The following ASAP3 variants were observed in gnomAD, a reference collection of about 807,000 sequenced individuals.
The protein encoded by ASAP3 is arf-GAP with SH3 domain, ANK repeat and PH domain-containing protein 3.
In ASAP3, 85 loss-of-function variants were observed where a neutral mutation model predicts 118.2. The ratio of observed to expected loss-of-function variants is 0.72; its 90% CI spans 0.60 to 0.86. The LOEUF (loss-of-function observed/expected upper bound fraction) is 0.86, where lower values mean the gene tolerates loss of function less well. Among genes scored for constraint, ASAP3 ranks in the 40% least tolerant of loss-of-function variants. The probability of loss-of-function intolerance (pLI) is 0.00; values close to 1 mark genes in which losing one functional copy is unlikely to be tolerated. For missense variants in ASAP3, 1,026 were observed against 1,175.0 expected, an observed-to-expected ratio of 0.87 and a Z score of 1.85; for synonymous variants, 432 against 477.4, an observed-to-expected ratio of 0.90 and a Z score of 1.24.
intron 1 of ASAP3, 39 bp from the exon 2 acceptor site, chr1:23,456,233 C>G (rs1217409270): frequency 3.1e-6 from 5 of 1,595,736 alleles, no homozygotes; most frequent in African/African-American, 1.3e-5. Context: ...GGATGCCAAG[C>G]TGGAATAGGG....
chr1:23,473,127 T>A (rs1427479928), intron 1 of ASAP3, among the ~76,000 whole-genome samples: 1 of 152,162 alleles, frequency 6.6e-6, no homozygotes, highest in South Asian at 2.1e-4. Flanking sequence ...TCAGTAAATA[T>A]GGCTTAATGG....
rs772721348 is a variant in ASAP3, at chr1:23,442,519, G to C, written c.567C>G (p.Phe189Leu). The change falls in exon 6 of 25, where the codon TTC (phenylalanine) becomes TTG (leucine). Residue 189 changes from phenylalanine to leucine, a missense_variant. By Grantham distance (22) the Phe-to-Leu change is conservative. Coordinates refer to ENST00000336689, the MANE Select transcript of ASAP3 (RefSeq NM_017707.4). ...AQDMQRERRIFQLHMCEYLLK... is the reference protein window; with the variant it reads ...AQDMQRERRILQLHMCEYLLK... The stretch of plus-strand genomic sequence containing the variant: ...CCCTTACCTCACACATGTGCAGCTG[G>C]AAGATGCGCCGCTCTCTCTGCATGT... The C allele has an allele frequency of 6.2e-7, 1 of 1,613,952 alleles. No homozygotes were observed. The highest frequency in any genetic ancestry group is 8.5e-7 in the Non-Finnish European group (1 of 1,179,942).
intron 1 of ASAP3, among the ~76,000 whole-genome samples, chr1:23,481,257 G>A (rs1336909397): frequency 6.6e-6 from 1 of 152,132 alleles, no homozygotes; most frequent in Non-Finnish European, 1.5e-5. Context: ...GTACAAAAGG[G>A]CTGCGAGTCC....
At chr1:23,484,338 C>T, upstream of ASAP3, 1 of 443,656 alleles carries the variant, frequency 2.3e-6, no homozygotes, top group Non-Finnish European at 3.4e-6. Flanking sequence ...TCCTCCACCG[C>T]CAAGGTCCAG....
intron 10 of ASAP3, among the ~76,000 whole-genome samples, chr1:23,440,800 G>A (rs1319452291): frequency 6.7e-6 from 1 of 148,818 alleles, no homozygotes; most frequent in Non-Finnish European, 1.5e-5. Context: ...AGCTTACAGT[G>A]AGCCGAGATC....
At chr1:23,477,480 C>G (rs1267533416) in intron 1 of ASAP3, among the ~76,000 whole-genome samples, 1 of 151,086 alleles carries the variant, frequency 6.6e-6, no homozygotes, top group East Asian at 2.0e-4. Flanking sequence ...TGGAAGGGAG[C>G]CTGAGGGAAG....
In ASAP3 at chr1:23,437,835, C is replaced by G. The variant is rs1233333182; in HGVS notation, c.1103-363G>C. Among the ~76,000 whole-genome samples the G allele has an allele frequency of 1.3e-5, 2 of 152,106 alleles. No individual in the cohort carries two copies. Among genetic ancestry groups the G allele is most frequent in the Non-Finnish European group, 2.9e-5 (2 of 68,022 alleles). On this transcript the variant is annotated intron_variant, in intron 12 of 24. Coordinates refer to ENST00000336689, the MANE Select transcript of ASAP3 (RefSeq NM_017707.4). This position sits in a 1 kb window ranked among gnomAD's most constrained non-coding sequence, Gnocchi z 6.1. Reference sequence around the variant, plus strand: ...CTGGTCTCCTCCTGGGCGACCAGGCCTCCTGTCTGGTCTCCCTGCTTCCCA... The same window carrying G: ...CTGGTCTCCTCCTGGGCGACCAGGCGTCCTGTCTGGTCTCCCTGCTTCCCA...
chr1:23,433,875 T>C (rs551512112), intron 19 of ASAP3, among the ~76,000 whole-genome samples, 182 bp from the exon 20 acceptor site: 1 of 152,350 alleles, frequency 6.6e-6, no homozygotes, highest in Admixed American at 6.5e-5. Flanking sequence ...GAAATGAGTA[T>C]AATACTTGGA....
At chr1:23,440,766 A>C (rs561628092) in intron 10 of ASAP3, among the ~76,000 whole-genome samples, 1 of 149,370 alleles carries the variant, frequency 6.7e-6, no homozygotes, top group African/African-American at 2.5e-5. Flanking sequence ...CTGAGGCAGG[A>C]GAATGACATG....
chr1:23,431,097 CCCG>C lies in ASAP3; in HGVS notation c.2572_2574del (p.Arg858del), dbSNP rs752295624. ...GGACCATCTTCAGGGCTCCGCGCCC[CCCG>C]CCGATAGGAGCGAGTGCTCTCGGAG... is the stretch of plus-strand genomic sequence containing the variant. On this transcript the variant is annotated inframe_deletion, in exon 24 of 25. Transcript: ENST00000336689. The C allele has an allele frequency of 1.9e-6, 3 of 1,568,928 alleles. No individual in the cohort carries two copies. Among genetic ancestry groups the C allele is most frequent in the Non-Finnish European group, 1.7e-6 (2 of 1,156,914 alleles).
At position 23,433,089 on chromosome 1, in the gene ASAP3, G is replaced by A. The variant is rs1397469444; in HGVS notation, c.2311C>T (p.His771Tyr). The A allele has an allele frequency of 6.2e-7, 1 of 1,613,994 alleles. No individual in the cohort carries two copies. Among genetic ancestry groups the A allele is most frequent in the Non-Finnish European group, 8.5e-7 (1 of 1,179,978 alleles). The change falls in exon 22 of 25, where the codon CAT becomes TAT. Residue 771 changes from histidine to tyrosine, a missense_variant. Coordinates refer to ENST00000336689, the MANE Select transcript of ASAP3 (RefSeq NM_017707.4). The part of the protein sequence containing the change: ...SRTLVQGCAR[H>Y]ASGDRSEVSS... ...CATCCAACTGTACCTCCACTGGCAT[G>A]TCTTGCACACCCTTGGACCAAAGTC...
chr1:23,439,064 G>A (rs1640774962), intron 11 of ASAP3, 97 bp downstream of exon 11: 13 of 1,473,612 alleles, frequency 8.8e-6, no homozygotes, highest in African/African-American at 1.4e-5. Context: ...TAGGTTTGGG[G>A]GCCAGTCTTA....
At position 23,429,801 on chromosome 1, in the gene ASAP3, G is replaced by A; in HGVS notation, c.*55C>T. ...CAGCTCCCCAGTTTTGTGAGCTCAA[G>A]TCCCAGCTCTGAACATTGGGGCCTA... On this transcript the variant is annotated 3_prime_UTR_variant, in exon 25 of 25. Transcript: ENST00000336689. 6.4e-7 allele frequency: 1 copy of A among 1,558,220 alleles called. No individual in the cohort carries two copies. Among genetic ancestry groups the A allele is most frequent in the Non-Finnish European group, 8.8e-7 (1 of 1,138,578 alleles).
chr1:23,480,465 C>T (rs1008684541), intron 1 of ASAP3, among the ~76,000 whole-genome samples: 1 of 152,200 alleles, frequency 6.6e-6, no homozygotes, highest in Non-Finnish European at 1.5e-5. Context: ...GGAAGTGTCA[C>T]CTCCTCCAGG....
chr1:23,473,399 G>A (rs894265029), intron 1 of ASAP3, among the ~76,000 whole-genome samples: 6 of 152,208 alleles, frequency 3.9e-5, no homozygotes, highest in Admixed American at 2.0e-4. Context: ...CTCCTGTGAC[G>A]TTGGTGAGGT....
At chr1:23,476,161 C>CA (rs1339442452) in intron 1 of ASAP3, among the ~76,000 whole-genome samples, 1 of 151,940 alleles carries the variant, frequency 6.6e-6, no homozygotes, top group Non-Finnish European at 1.5e-5. Context: ...GCCTGGCCAA[C>CA]ATGGTGAAAC....
chr1:23,469,536 C>T (rs1641894601), intron 1 of ASAP3, among the ~76,000 whole-genome samples: 1 of 152,084 alleles, frequency 6.6e-6, no homozygotes, highest in South Asian at 2.1e-4. Flanking sequence ...CAGCCTTGTC[C>T]CCCAGGCATG....
chr1:23,435,279 T>C (rs1202088142), intron 17 of ASAP3, among the ~76,000 whole-genome samples: 2 of 152,246 alleles, frequency 1.3e-5, no homozygotes. Context: ...TCCTTTCACT[T>C]TGGCCTCCCA....
chr1:23,462,393 G>A (rs769561344), intron 1 of ASAP3, among the ~76,000 whole-genome samples: 7 of 151,630 alleles, frequency 4.6e-5, no homozygotes, highest in African/African-American at 1.5e-4. Context: ...TACCATTCCC[G>A]TCCCTACTGC....
Sources: gnomAD v4.1 joint callset for allele counts (sites outside exome capture counted in the v4.1 genomes callset) on GRCh38, gnomAD v4.1.1 for gene constraint, Gnocchi (gnomAD v3.1) non-coding constraint, MANE v1.5 for transcripts, NCBI Gene and HGNC (gene_info 2026-07-23, HGNC 2026-07-21) for gene names.